The following PTPRN2 variants were observed in gnomAD, a reference collection of about 807,000 sequenced individuals.
The protein encoded by PTPRN2 is protein tyrosine phosphatase receptor type N2.
PTPRN2 carries 74 observed loss-of-function variants against 118.8 expected under a neutral mutation model. The ratio of observed to expected loss-of-function variants is 0.62; its 90% CI spans 0.52 to 0.76. PTPRN2 has a LOEUF of 0.76. PTPRN2 is among the 30% of genes least tolerant of loss of function. The pLI is 0.00. For synonymous variants in PTPRN2, 641 were observed against 608.0 expected, an observed-to-expected ratio of 1.05 and a Z score of -0.80; for missense variants, 1,481 against 1,394.4, an observed-to-expected ratio of 1.06 and a Z score of -0.99.
rs1290211528 is a variant in PTPRN2, at chr7:158,090,061, AC to A, written c.1644-8685del. On this transcript the variant is annotated intron_variant, in intron 10 of 22. Coordinates refer to ENST00000389418, the MANE Select transcript of PTPRN2 (RefSeq NM_002847.5). Reference sequence around the variant, plus strand: ...GACGAAAGAGGGAGTCTTCACACAAACCCTTCCTCCCCTGATGAAAGAGGGG... The same window carrying A: ...GACGAAAGAGGGAGTCTTCACACAAACCTTCCTCCCCTGATGAAAGAGGGG... Among the ~76,000 whole-genome samples the A allele has an allele frequency of 4.8e-5, 4 of 84,190 alleles. 2 individuals are homozygous for A. The Admixed American group carries it at 4.9e-4, about 10-fold the overall frequency. The allele number at this position is 84,190 out of a possible 152,430, so 55.2% of individuals were successfully genotyped here.
At chr7:157,595,607 G>C (rs1313860852) in intron 16 of PTPRN2, among the ~76,000 whole-genome samples, 1 of 147,668 alleles carries the variant, frequency 6.8e-6, no homozygotes, top group East Asian at 2.0e-4. Flanking sequence ...TAGGAAGCCC[G>C]GAGGTTAGGA....
chr7:158,432,753 C>G (rs1000114070), intron 2 of PTPRN2, among the ~76,000 whole-genome samples: 19 of 152,134 alleles, frequency 1.2e-4, no homozygotes, highest in African/African-American at 4.6e-4. Flanking sequence ...AAGGCCAGCT[C>G]AGAACAGATG....
At chr7:158,269,048 C>T (rs1385129644) in intron 3 of PTPRN2, among the ~76,000 whole-genome samples, 4 of 152,206 alleles carry the variant, frequency 2.6e-5, no homozygotes, top group Non-Finnish European at 5.9e-5. Flanking sequence ...CTAGGAAGGA[C>T]GTGGCGGCTG....
chr7:158,466,211 G>T (rs1819374469), intron 2 of PTPRN2, among the ~76,000 whole-genome samples: 1 of 152,088 alleles, frequency 6.6e-6, no homozygotes, highest in Non-Finnish European at 1.5e-5. Flanking sequence ...ACAATCCAAT[G>T]TTGTTACTAC....
In PTPRN2 at chr7:157,548,964, G is replaced by A. The variant is rs114742144; in HGVS notation, c.2958C>T (p.Pro986=). 1,975 of 1,614,108 alleles carry A rather than the reference G, an allele frequency of 1.2e-3. 31 individuals are homozygous for A. The African/African-American group carries it at 0.023, about 19-fold the overall frequency. ...ACAGTACCTTCGTCTGGACCATGCC[G>A]GGTCTCTGGTCCCTCAAGTGCTCCA... ...ATLEHLRDQR[P]GMVQTKEQFE... is the part of the protein sequence containing the mutation. The change falls in exon 22 of 23, where the codon CCC becomes CCT. Residue 986 remains proline (P), a synonymous_variant. Transcript: ENST00000389418.
At chr7:157,885,967 A>C (rs1230448386) in intron 12 of PTPRN2, among the ~76,000 whole-genome samples, 4 of 152,204 alleles carry the variant, frequency 2.6e-5, no homozygotes, top group African/African-American at 9.6e-5. Context: ...TGTTGCTGCC[A>C]CTGTGCTGCT....
Position 158,171,081 on chromosome 7 carries a change from T to C in PTPRN2, c.550-3790A>G, listed in dbSNP as rs866754732. On this transcript the variant is annotated intron_variant, in intron 5 of 22. Transcript: ENST00000389418. The stretch of plus-strand genomic sequence containing the variant: ...CATATATACACATTATATACACATA[T>C]ATATACACACATATATATATACACA... Among the ~76,000 whole-genome samples, 81 of 139,786 alleles carry C rather than the reference T, an allele frequency of 5.8e-4. 6 individuals are homozygous for C. Among genetic ancestry groups the C allele is most frequent in the African/African-American group, 2.1e-3 (76 of 36,444 alleles). The allele number at this position is 139,786 out of a possible 152,430, so 91.7% of individuals were successfully genotyped here. A position where few individuals can be genotyped will look rare whatever the true frequency, so the allele number is the denominator to read the frequency against.
chr7:157,566,131 G>A (rs1339568551), intron 21 of PTPRN2, among the ~76,000 whole-genome samples: 3 of 152,214 alleles, frequency 2.0e-5, no homozygotes, highest in South Asian at 2.1e-4. Context: ...GTCTGCGGCC[G>A]CAGCTGCTGG....
chr7:158,347,223 A>G (rs1807579402), intron 2 of PTPRN2, among the ~76,000 whole-genome samples: 1 of 152,166 alleles, frequency 6.6e-6, no homozygotes, highest in African/African-American at 2.4e-5. Flanking sequence ...TAGTAGTTTT[A>G]CAGTTTCAGG....
At chr7:158,258,987 G>C (rs1023942366) in intron 3 of PTPRN2, among the ~76,000 whole-genome samples, 1 of 152,108 alleles carries the variant, frequency 6.6e-6, no homozygotes, top group Non-Finnish European at 1.5e-5. Flanking sequence ...GAGGTGCAGC[G>C]TCGGTACAGG....
At chr7:157,941,993 T>TTC (rs1563259781) in intron 11 of PTPRN2, among the ~76,000 whole-genome samples, 3 of 151,638 alleles carry the variant, frequency 2.0e-5, no homozygotes, top group African/African-American at 4.8e-5. Flanking sequence ...CAGCACACCT[T>TTC]CAAATATGGG....
At chr7:158,025,101 C>T (rs977029431) in intron 11 of PTPRN2, among the ~76,000 whole-genome samples, 6 of 152,128 alleles carry the variant, frequency 3.9e-5, no homozygotes, top group Admixed American at 3.3e-4. Context: ...GACAAAGACA[C>T]ATGCAGCCCT....
At chr7:158,288,700 TTAAG>T (rs1414877506) in intron 3 of PTPRN2, among the ~76,000 whole-genome samples, 1 of 152,234 alleles carries the variant, frequency 6.6e-6, no homozygotes, top group Non-Finnish European at 1.5e-5. Context: ...TGCTAAAGAC[TTAAG>T]TGATTTGTAC....
intron 3 of PTPRN2, among the ~76,000 whole-genome samples, chr7:158,241,034 C>T (rs1795876554): frequency 1.3e-5 from 2 of 152,202 alleles, no homozygotes; most frequent in South Asian, 2.1e-4. Context: ...AGGCCCAGGG[C>T]CCCCTGTGAA....
At chr7:158,140,714 G>T (rs1239883366) in intron 6 of PTPRN2, among the ~76,000 whole-genome samples, 1 of 152,252 alleles carries the variant, frequency 6.6e-6, no homozygotes, top group Non-Finnish European at 1.5e-5. Context: ...GTGTGAGGGT[G>T]TGCCGTGCAG....
chr7:158,501,497 C>CAGGCTG (rs567234535), intron 1 of PTPRN2, among the ~76,000 whole-genome samples: 38 of 152,348 alleles, frequency 2.5e-4, no homozygotes, highest in African/African-American at 7.2e-4. Flanking sequence ...GACACAACGC[C>CAGGCTG]AGGCTGAGGC....
At chr7:158,016,543 C>T (rs1357194910) in intron 11 of PTPRN2, among the ~76,000 whole-genome samples, 1 of 152,196 alleles carries the variant, frequency 6.6e-6, no homozygotes, top group East Asian at 1.9e-4. Context: ...GCAGACCCAA[C>T]GGTCTCCATG....
intron 12 of PTPRN2, among the ~76,000 whole-genome samples, chr7:157,873,149 G>A (rs145654304): frequency 8.5e-5 from 13 of 152,292 alleles, no homozygotes; most frequent in East Asian, 1.9e-4. Flanking sequence ...CCCTCTGACC[G>A]GGCCTCTTGC....
chr7:158,148,415 G>A (rs1585625649), intron 6 of PTPRN2, among the ~76,000 whole-genome samples: 1 of 117,172 alleles, frequency 8.5e-6, no homozygotes. Context: ...CCCATCTCAC[G>A]CCACGTGTCT....
Sources: allele counts gnomAD v4.1 joint callset (sites outside exome capture counted in the v4.1 genomes callset), GRCh38; gene constraint gnomAD v4.1.1; transcripts MANE v1.5; gene names NCBI Gene and HGNC (gene_info 2026-07-23, HGNC 2026-07-21).